ERGIC1: variants seen among roughly 807,000 people sequenced by gnomAD.
ERGIC1 encodes the protein endoplasmic reticulum-golgi intermediate compartment 1, also known as endoplasmic reticulum-Golgi intermediate compartment protein 1.
A neutral mutation model predicts 38.3 loss-of-function variants in ERGIC1; 19 were observed. That is an observed-to-expected ratio of 0.50 (90% CI 0.35 to 0.73). ERGIC1 has a LOEUF of 0.73. ERGIC1 is among the 30% of genes least tolerant of loss of function. ERGIC1 has a pLI of 0.01. For synonymous variants in ERGIC1, 124 were observed against 157.6 expected (o/e 0.79, Z 1.60); for missense variants, 294 against 389.2 (o/e 0.76, Z 2.06).
chr5:172,854,367 A>T (rs1761488546), intron 1 of ERGIC1, among the ~76,000 whole-genome samples: 1 of 152,218 alleles, frequency 6.6e-6, no homozygotes, highest in Non-Finnish European at 1.5e-5. Flanking sequence ...TGGACAACAG[A>T]GTGAGACTGT....
rs886707647 is a variant in ERGIC1, at chr5:172,946,740, T to G, written c.766-3969T>G. ...CAGTCCTGGGAGCACCAGAACCCTC[T>G]CCTGTGACTCTACGTCACCTCATGC... On this transcript the variant is annotated intron_variant, in intron 9 of 9. Coordinates refer to ENST00000393784, the MANE Select transcript of ERGIC1 (RefSeq NM_001031711.3). 3.9e-5 allele frequency among the ~76,000 whole-genome samples: 6 copies of G among 152,180 alleles called. No individual in the cohort carries two copies. In the East Asian group the frequency reaches 1.2e-3, roughly 29 times the overall value.
At chr5:172,843,935 G>A (rs1761223074) in intron 1 of ERGIC1, among the ~76,000 whole-genome samples, 2 of 152,226 alleles carry the variant, frequency 1.3e-5, no homozygotes. Context: ...TGTGAGACAA[G>A]TATACTTGGA....
chr5:172,920,991 T>C (rs1763498695), intron 5 of ERGIC1, among the ~76,000 whole-genome samples: 1 of 152,210 alleles, frequency 6.6e-6, no homozygotes, highest in South Asian at 2.1e-4. Flanking sequence ...CAGTGGGCTT[T>C]TCCTCACGCC....
chr5:172,907,626 C>T (rs1763068142), intron 3 of ERGIC1, among the ~76,000 whole-genome samples: 1 of 152,120 alleles, frequency 6.6e-6, no homozygotes, highest in African/African-American at 2.4e-5. Flanking sequence ...TCATTCAGTT[C>T]CCCAAAGCAG....
chr5:172,848,051 G>A (rs1183152984), intron 1 of ERGIC1, among the ~76,000 whole-genome samples: 1 of 152,216 alleles, frequency 6.6e-6, no homozygotes, highest in Non-Finnish European at 1.5e-5. Context: ...AGATGTTGAA[G>A]ACATAGTAGT....
intron 9 of ERGIC1, among the ~76,000 whole-genome samples, chr5:172,943,941 C>T (rs897192772): frequency 3.9e-5 from 6 of 152,172 alleles, no homozygotes; most frequent in African/African-American, 1.2e-4. Flanking sequence ...GAAACACACA[C>T]GCACCCCTTT....
rs146023850 is a variant in ERGIC1, at chr5:172,893,079, G to T, written c.83-3923G>T. On this transcript the variant is annotated intron_variant, in intron 2 of 9. Transcript: ENST00000393784. ...CCCTGGGACACACGTCTACAAGCATGAACACGGAAAGTAGCTAGGAGACCT... is the reference window on the plus strand; with the variant it reads ...CCCTGGGACACACGTCTACAAGCATTAACACGGAAAGTAGCTAGGAGACCT... 3.4e-3 allele frequency among the ~76,000 whole-genome samples: 515 copies of T among 152,318 alleles called. 2 individuals carry two copies. The highest frequency in any genetic ancestry group is 6.8e-3 in the Middle Eastern group (2 of 294).
intron 2 of ERGIC1, among the ~76,000 whole-genome samples, chr5:172,891,347 T>C (rs550174291): frequency 6.6e-6 from 1 of 152,302 alleles, no homozygotes; most frequent in South Asian, 2.1e-4. Context: ...GGCTCCATCC[T>C]CTTCCCTCTT....
rs150034977 is a variant in ERGIC1 at position 172,890,394 on chromosome 5, A to G, written c.82+1634A>G. Among the ~76,000 whole-genome samples the G allele has an allele frequency of 4.6e-5, 7 of 152,342 alleles. No homozygotes were observed. The South Asian group carries it at 8.3e-4, about 18-fold the overall frequency. On this transcript the variant is annotated intron_variant, in intron 2 of 9. Coordinates refer to ENST00000393784, the MANE Select transcript of ERGIC1 (RefSeq NM_001031711.3). ...TCCCAGATCAGTTCCTGGAACAGAAATCTGGAGTTTGTGGGAAAACTGGTG... is the reference window on the plus strand; with the variant it reads ...TCCCAGATCAGTTCCTGGAACAGAAGTCTGGAGTTTGTGGGAAAACTGGTG...
At chr5:172,895,434 C>G (rs1329584969) in intron 2 of ERGIC1, among the ~76,000 whole-genome samples, 6 of 152,126 alleles carry the variant, frequency 3.9e-5, no homozygotes, top group Admixed American at 2.6e-4. Context: ...CCACTAAGTG[C>G]CTCTGGGATA....
At chr5:172,854,113 G>A (rs1581513210) in intron 1 of ERGIC1, among the ~76,000 whole-genome samples, 1 of 152,144 alleles carries the variant, frequency 6.6e-6, no homozygotes, top group Non-Finnish European at 1.5e-5. Context: ...GGGCAAGGTG[G>A]CTCACGCCTA....
chr5:172,908,172 C>A (rs66823211), intron 3 of ERGIC1, among the ~76,000 whole-genome samples: 1 of 150,490 alleles, frequency 6.6e-6, no homozygotes, highest in Non-Finnish European at 1.5e-5. Context: ...TTAAGGATCT[C>A]GAGATGGGGA....
Position 172,890,603 on chromosome 5 carries a change from C to G in ERGIC1, c.82+1843C>G, listed in dbSNP as rs191306670. On this transcript the variant is annotated intron_variant, in intron 2 of 9. Coordinates refer to ENST00000393784, the MANE Select transcript of ERGIC1 (RefSeq NM_001031711.3). ...AGTTTTAAAAACAAACCAAAGCCAC[C>G]TTGCAAACAGGGGATGCTTTCGCCT... is the stretch of plus-strand genomic sequence containing the variant. Among the ~76,000 whole-genome samples, 325 of 152,316 alleles carry G rather than the reference C, an allele frequency of 2.1e-3. 1 individual carries two copies. Among genetic ancestry groups the G allele is most frequent in the Non-Finnish European group, 3.6e-3 (244 of 68,036 alleles).
At chr5:172,930,264 A>T (rs1385586296) in intron 7 of ERGIC1, among the ~76,000 whole-genome samples, 1 of 151,510 alleles carries the variant, frequency 6.6e-6, no homozygotes, top group Non-Finnish European at 1.5e-5. Flanking sequence ...CTGGCAGTTT[A>T]TATGTGAGAC....
intron 1 of ERGIC1, among the ~76,000 whole-genome samples, chr5:172,843,717 G>A (rs1001877749): frequency 6.6e-6 from 1 of 152,190 alleles, no homozygotes; most frequent in Non-Finnish European, 1.5e-5. Flanking sequence ...CCTGCGGAAC[G>A]CTGTGAAGTG....
chr5:172,906,799 C>A (rs1372869241), intron 3 of ERGIC1, among the ~76,000 whole-genome samples: 7 of 152,124 alleles, frequency 4.6e-5, no homozygotes, highest in Admixed American at 1.3e-4. Context: ...CCTTCAGCCG[C>A]CCCCTAGGCC....
At chr5:172,900,081 C>G (rs1443673048) in intron 3 of ERGIC1, among the ~76,000 whole-genome samples, 1 of 152,198 alleles carries the variant, frequency 6.6e-6, no homozygotes, top group Non-Finnish European at 1.5e-5. Context: ...CTGCTGACAG[C>G]GTGTGGGGTG....
chr5:172,890,075 T>C (rs1036215304), intron 2 of ERGIC1, among the ~76,000 whole-genome samples: 5 of 152,208 alleles, frequency 3.3e-5, no homozygotes, highest in African/African-American at 1.2e-4. Flanking sequence ...TGAGGAAATA[T>C]GGCAAGTGCC....
intron 2 of ERGIC1, among the ~76,000 whole-genome samples, chr5:172,892,763 T>C (rs1762600500): frequency 1.3e-5 from 2 of 152,184 alleles, no homozygotes; most frequent in South Asian, 4.1e-4. Flanking sequence ...TAAATATTTA[T>C]TTTATACCTT....
Sources: gnomAD v4.1 joint callset for allele counts (sites outside exome capture counted in the v4.1 genomes callset) on GRCh38, gnomAD v4.1.1 for gene constraint, MANE v1.5 for transcripts, NCBI Gene and HGNC (gene_info 2026-07-23, HGNC 2026-07-21) for gene names.